Variants in TAFA2 observed in about 807,000 individuals in gnomAD.
The protein encoded by TAFA2 is TAFA chemokine like family member 2, also known as chemokine-like protein TAFA-2.
In TAFA2, 7 loss-of-function variants were observed where a neutral mutation model predicts 18.8. The ratio of observed to expected loss-of-function variants is 0.37; its 90% CI spans 0.21 to 0.70. TAFA2 has a LOEUF of 0.70. Ranked by LOEUF, TAFA2 falls within the 30% of genes least tolerant of loss-of-function variation. The probability of loss-of-function intolerance (pLI) is 0.53; values close to 1 mark genes in which losing one functional copy is unlikely to be tolerated. For synonymous variants in TAFA2, 60 were observed against 54.2 expected, an observed-to-expected ratio of 1.11 and a Z score of -0.47; for missense variants, 122 against 158.1, an observed-to-expected ratio of 0.77 and a Z score of 1.23.
At chr12:61,995,216 T>G (rs1231458767) in intron 1 of TAFA2, among the ~76,000 whole-genome samples, 1 of 152,168 alleles carries the variant, frequency 6.6e-6, no homozygotes, top group Non-Finnish European at 1.5e-5. Flanking sequence ...AGCTCATTAT[T>G]CTTCAGACAC....
intron 1 of TAFA2, among the ~76,000 whole-genome samples, chr12:62,018,082 G>T (rs966675460): frequency 6.6e-6 from 1 of 152,100 alleles, no homozygotes; most frequent in African/African-American, 2.4e-5. Context: ...CATGGAAATG[G>T]GGAGAGATAT....
At chr12:61,753,169 G>T (rs775186746) in intron 4 of TAFA2, among the ~76,000 whole-genome samples, 9 of 151,994 alleles carry the variant, frequency 5.9e-5, no homozygotes, top group Non-Finnish European at 8.8e-5. Flanking sequence ...TAATGATTCA[G>T]ATATCAGGGA....
intron 1 of TAFA2, among the ~76,000 whole-genome samples, chr12:62,086,114 C>T (rs1038261901): frequency 2.0e-5 from 3 of 151,934 alleles, no homozygotes; most frequent in African/African-American, 7.3e-5. Context: ...TTACAAATTA[C>T]CCAGTCTCAG....
intron 1 of TAFA2, among the ~76,000 whole-genome samples, chr12:62,249,499 G>C (rs1478787604): frequency 6.6e-6 from 1 of 151,994 alleles, no homozygotes; most frequent in East Asian, 1.9e-4. Context: ...AAAGAGCCTG[G>C]CACCTCTCCC....
intron 1 of TAFA2, among the ~76,000 whole-genome samples, chr12:61,985,063 A>G (rs1488695492): frequency 6.6e-6 from 1 of 152,190 alleles, no homozygotes; most frequent in Non-Finnish European, 1.5e-5. Flanking sequence ...TTGAATGTGA[A>G]GTTGAGCTGA....
chr12:62,052,401 A>T (rs1485291934), intron 1 of TAFA2, among the ~76,000 whole-genome samples: 1 of 152,132 alleles, frequency 6.6e-6, no homozygotes, highest in African/African-American at 2.4e-5. Context: ...TATGTTCCCC[A>T]GGCTGGTCTT....
At chr12:61,796,107 C>A (rs1014192077) in intron 2 of TAFA2, among the ~76,000 whole-genome samples, 1 of 152,052 alleles carries the variant, frequency 6.6e-6, no homozygotes, top group East Asian at 1.9e-4. Context: ...CATAAACCTA[C>A]CATATGATAC....
At chr12:61,732,570 G>C (rs964172086) in intron 4 of TAFA2, among the ~76,000 whole-genome samples, 1 of 152,050 alleles carries the variant, frequency 6.6e-6, no homozygotes, top group African/African-American at 2.4e-5. Context: ...ATGGGCATGA[G>C]AGACAATGCA....
intron 1 of TAFA2, among the ~76,000 whole-genome samples, chr12:62,036,308 T>G (rs192208813): frequency 8.5e-5 from 13 of 152,332 alleles, no homozygotes; most frequent in Admixed American, 2.6e-4. Flanking sequence ...AGAAAGTGAT[T>G]GATTTTTAAA....
chr12:62,234,482 C>A, intron 1 of TAFA2: 1 of 1,082,714 alleles, frequency 9.2e-7, no homozygotes, highest in South Asian at 1.2e-5. Context: ...TTGAGATGGT[C>A]AGACCTCATG....
Position 62,000,977 on chromosome 12 carries a change from A to T in TAFA2, c.-1-133551T>A, listed in dbSNP as rs143466011. ...AAAATATTTATAGAAGTAAAAAGCC[A>T]CAGGACCAATATCATTGTGCTCCAC... On this transcript the variant is annotated intron_variant, in intron 1 of 4. Coordinates refer to ENST00000416284, the MANE Select transcript of TAFA2 (RefSeq NM_178539.5). 1.7e-3 allele frequency among the ~76,000 whole-genome samples: 256 copies of T among 152,326 alleles called. 1 individual carries two copies. The highest frequency in any genetic ancestry group is 6.1e-3 in the African/African-American group (253 of 41,572).
At chr12:62,129,981 C>G (rs796940990) in intron 1 of TAFA2, among the ~76,000 whole-genome samples, 11 of 152,128 alleles carry the variant, frequency 7.2e-5, no homozygotes, top group African/African-American at 2.6e-4. Context: ...GTTTTAGTAG[C>G]ACTCCATTAC....
intron 1 of TAFA2, among the ~76,000 whole-genome samples, chr12:62,142,390 G>A (rs959697717): frequency 5.9e-5 from 9 of 152,142 alleles, no homozygotes; most frequent in African/African-American, 1.9e-4. Flanking sequence ...TGGTGGCTAT[G>A]TTATTGTCAT....
At chr12:62,206,946 G>T (rs1165618982) in intron 1 of TAFA2, 4 of 152,142 alleles carry the variant, frequency 2.6e-5, no homozygotes, top group African/African-American at 9.7e-5. Flanking sequence ...CTCCTCAAAT[G>T]GACTTAATTG....
chr12:62,106,369 A>G (rs1476628381), intron 1 of TAFA2, among the ~76,000 whole-genome samples: 1 of 151,872 alleles, frequency 6.6e-6, no homozygotes, highest in African/African-American at 2.4e-5. Flanking sequence ...AAAACAAAAA[A>G]ACAAAAACAA....
At chr12:62,137,423 A>G (rs1299059663) in intron 1 of TAFA2, among the ~76,000 whole-genome samples, 1 of 152,136 alleles carries the variant, frequency 6.6e-6, no homozygotes, top group Non-Finnish European at 1.5e-5. Flanking sequence ...CAATGGTTCC[A>G]AGAAGTTAAC....
At chr12:61,927,069 G>GAAAAAAA (rs56908081) in intron 1 of TAFA2, among the ~76,000 whole-genome samples, 4 of 69,924 alleles carry the variant, frequency 5.7e-5, no homozygotes, top group Admixed American at 2.0e-4. Context: ...GTGAGACTCT[G>GAAAAAAA]AAAAAAAAAA....
chr12:61,884,517 G>C (rs1466166257), intron 1 of TAFA2, among the ~76,000 whole-genome samples: 1 of 152,122 alleles, frequency 6.6e-6, no homozygotes, highest in East Asian at 1.9e-4. Context: ...ACCGGTGAAT[G>C]CCTCTCTCAA....
chr12:61,767,641 T>C (rs1392482273), intron 2 of TAFA2, among the ~76,000 whole-genome samples: 1 of 152,104 alleles, frequency 6.6e-6, no homozygotes, highest in Admixed American at 6.6e-5. Flanking sequence ...TCCCAGTGAT[T>C]GACATGAAAA....
Sources: gnomAD v4.1 joint callset for allele counts (sites outside exome capture counted in the v4.1 genomes callset) on GRCh38, gnomAD v4.1.1 for gene constraint, MANE v1.5 for transcripts, NCBI Gene and HGNC (gene_info 2026-07-23, HGNC 2026-07-21) for gene names.